Variants in CADM1 observed in about 807,000 individuals in gnomAD.
CADM1 encodes the protein cell adhesion molecule 1.
A neutral mutation model predicts 53.1 loss-of-function variants in CADM1; 15 were observed. The observed-to-expected ratio is 0.28, with a 90% CI of 0.19 to 0.44. CADM1 has a LOEUF of 0.44. Ranked by LOEUF, CADM1 falls within the 20% of genes least tolerant of loss-of-function variation. CADM1 has a pLI of 1.00. For synonymous variants in CADM1, 281 were observed against 243.0 expected (o/e 1.16, Z -1.45); for missense variants, 434 against 611.3 (o/e 0.71, Z 3.06).
intron 6 of CADM1, among the ~76,000 whole-genome samples, chr11:115,215,774 C>T (rs1404052476): frequency 6.6e-6 from 1 of 152,162 alleles, no homozygotes; most frequent in Non-Finnish European, 1.5e-5. Context: ...AGAATTGTGC[C>T]TGAAAACTTT....
At chr11:115,495,837 G>A (rs1380147119) in intron 1 of CADM1, among the ~76,000 whole-genome samples, 1 of 151,884 alleles carries the variant, frequency 6.6e-6, no homozygotes, top group Admixed American at 6.6e-5. Flanking sequence ...GTAACTACAC[G>A]CACCAGACAC....
intron 1 of CADM1, chr11:115,256,801 T>C (rs1178602312): frequency 2.2e-6 from 1 of 455,956 alleles, no homozygotes; most frequent in African/African-American, 2.0e-5. Flanking sequence ...AAAAAGTTTG[T>C]TCTTATATGA....
intron 1 of CADM1, among the ~76,000 whole-genome samples, chr11:115,467,849 T>C (rs945827623): frequency 1.3e-5 from 2 of 152,332 alleles, no homozygotes; most frequent in African/African-American, 4.8e-5. Context: ...ACTTTAAAAA[T>C]TTTTTAAATC....
chr11:115,240,410 C>T lies in CADM1; in HGVS notation c.135G>A (p.Gln45=). 1 of 1,613,654 alleles carries T rather than the reference C, an allele frequency of 6.2e-7. No individual in the cohort carries two copies. The highest frequency in any genetic ancestry group is 8.5e-7 in the Non-Finnish European group (1 of 1,179,766). ...AAALIPTGDG[Q]NLFTKDVTVI... ...CTGTCACGTCTTTCGTAAACAGATTCTGCCCATCACCTTAAAAAAAGGGAA... is the reference window on the plus strand; with the variant it reads ...CTGTCACGTCTTTCGTAAACAGATTTTGCCCATCACCTTAAAAAAAGGGAA... The change falls in exon 2 of 12, where the codon CAG becomes CAA. Residue 45 remains glutamine, a synonymous_variant. Coordinates refer to ENST00000331581, the MANE Select transcript of CADM1 (RefSeq NM_001301043.2).
At chr11:115,373,388 C>A (rs1946356386) in intron 1 of CADM1, among the ~76,000 whole-genome samples, 1 of 151,856 alleles carries the variant, frequency 6.6e-6, no homozygotes, top group Non-Finnish European at 1.5e-5. Context: ...AGCTCTAGAC[C>A]AGCCTGGCCA....
At chr11:115,189,664 AT>A (rs1939749433) in intron 10 of CADM1, among the ~76,000 whole-genome samples, 1 of 152,226 alleles carries the variant, frequency 6.6e-6, no homozygotes, top group African/African-American at 2.4e-5. Flanking sequence ...CACTCTCTTG[AT>A]TGGCTGTCTA....
intron 5 of CADM1, among the ~76,000 whole-genome samples, chr11:115,226,900 T>C (rs1449856320): frequency 1.3e-5 from 2 of 152,212 alleles, no homozygotes; most frequent in Non-Finnish European, 2.9e-5. Context: ...AAGTTCTCAA[T>C]AGTGCTCTAG....
At chr11:115,194,309 A>G (rs773399248) in intron 9 of CADM1, among the ~76,000 whole-genome samples, 6 of 152,218 alleles carry the variant, frequency 3.9e-5, no homozygotes, top group Non-Finnish European at 5.9e-5. Context: ...CTGAATATAA[A>G]GTATAATAAG....
At chr11:115,434,684 C>T (rs1420244077) in intron 1 of CADM1, among the ~76,000 whole-genome samples, 1 of 152,052 alleles carries the variant, frequency 6.6e-6, no homozygotes, top group Non-Finnish European at 1.5e-5. Flanking sequence ...TCACCATCAG[C>T]CCTTCCTGTG....
rs1453245186 is a variant in CADM1, at chr11:115,240,399, G to A, written c.146C>T (p.Thr49Met). 3.1e-6 allele frequency: 5 copies of A among 1,613,468 alleles called. No individual in the cohort carries two copies. The African/African-American group carries it at 4.0e-5, about 13-fold the overall frequency. ...TCCCTCGATCACTGTCACGTCTTTC[G>A]TAAACAGATTCTGCCCATCACCTTA... ...IPTGDGQNLF[T>M]KDVTVIEGEV... Residue 49 changes from threonine to methionine, a missense_variant, in exon 2 of 12, where the codon ACG becomes ATG. Thr to Met is a moderately conservative substitution (Grantham distance 81). Transcript: ENST00000331581.
intron 8 of CADM1, among the ~76,000 whole-genome samples, chr11:115,203,407 T>C (rs1392926752): frequency 6.6e-6 from 1 of 152,100 alleles, no homozygotes; most frequent in Non-Finnish European, 1.5e-5. Context: ...ACGAGGGTAG[T>C]GATGGAGACA....
chr11:115,355,378 T>C (rs957681863), intron 1 of CADM1, among the ~76,000 whole-genome samples: 3 of 152,092 alleles, frequency 2.0e-5, no homozygotes, highest in Non-Finnish European at 4.4e-5. Context: ...CAAATACTAA[T>C]TGTTCTCACT....
chr11:115,244,775 T>C (rs1399711043), intron 1 of CADM1, among the ~76,000 whole-genome samples: 1 of 152,254 alleles, frequency 6.6e-6, no homozygotes, highest in Non-Finnish European at 1.5e-5. Flanking sequence ...GAGCAACTTC[T>C]GATTTTTTTT....
intron 1 of CADM1, among the ~76,000 whole-genome samples, chr11:115,258,587 C>T (rs1942867986): frequency 6.6e-6 from 1 of 152,202 alleles, no homozygotes; most frequent in African/African-American, 2.4e-5. Flanking sequence ...AGCTTAGAGC[C>T]AGGCCCAGAG....
chr11:115,493,068 A>ATT, intron 1 of CADM1, among the ~76,000 whole-genome samples: 1 of 152,110 alleles, frequency 6.6e-6, no homozygotes, highest in Non-Finnish European at 1.5e-5. Flanking sequence ...ACTAAAAGGA[A>ATT]TCAGGATTCC....
At chr11:115,431,719 T>C (rs1591229593) in intron 1 of CADM1, among the ~76,000 whole-genome samples, 1 of 152,170 alleles carries the variant, frequency 6.6e-6, no homozygotes, top group African/African-American at 2.4e-5. Flanking sequence ...TCTTCCTGTC[T>C]TTTTCAACCT....
intron 1 of CADM1, among the ~76,000 whole-genome samples, chr11:115,283,173 T>C (rs1943632816): frequency 6.6e-6 from 1 of 152,232 alleles, no homozygotes. Context: ...CTAAATTATA[T>C]TCTGCCCTCA....
At chr11:115,449,642 T>C (rs1021030207) in intron 1 of CADM1, among the ~76,000 whole-genome samples, 1 of 152,220 alleles carries the variant, frequency 6.6e-6, no homozygotes, top group African/African-American at 2.4e-5. Flanking sequence ...CAAATTTGCA[T>C]TCTTAAAAGT....
chr11:115,174,762 GATCT>G lies in CADM1; in HGVS notation c.*1708_*1711del. ...GAATATATATTTATATATATATATA[GATCT>G]ATCTTTTTTGATGCCATCTTTCCAT... On this transcript the variant is annotated 3_prime_UTR_variant, in exon 12 of 12. Transcript: ENST00000331581. 1.1e-6 allele frequency: 1 copy of G among 878,534 alleles called. No individual in the cohort carries two copies. Among genetic ancestry groups the G allele is most frequent in the Non-Finnish European group, 1.4e-6 (1 of 733,012 alleles). 54.4% of individuals were successfully genotyped at this position (878,534 alleles called of 1,614,324 possible). A position where few individuals can be genotyped will look rare whatever the true frequency, so the allele number is the denominator to read the frequency against.
Sources: allele counts gnomAD v4.1 joint callset (sites outside exome capture counted in the v4.1 genomes callset), GRCh38; gene constraint gnomAD v4.1.1; transcripts MANE v1.5; gene names NCBI Gene and HGNC (gene_info 2026-07-23, HGNC 2026-07-21).